Variants in XRRA1 observed in about 807,000 individuals in gnomAD.
XRRA1 encodes the protein X-ray radiation resistance-associated protein 1.
XRRA1 carries 69 observed loss-of-function variants against 80.2 expected under a neutral mutation model. The ratio of observed to expected loss-of-function variants is 0.86; its 90% CI spans 0.71 to 1.05. The LOEUF (loss-of-function observed/expected upper bound fraction) is 1.05, where lower values mean the gene tolerates loss of function less well. XRRA1 is among the 50% of genes least tolerant of loss of function. The pLI is 0.00. For synonymous variants in XRRA1, 348 were observed against 389.9 expected (o/e 0.89, Z 1.27); for missense variants, 967 against 976.4 (o/e 0.99, Z 0.13).
chr11:74,866,695 T>C (rs78624755), intron 10 of XRRA1, among the ~76,000 whole-genome samples: 3 of 125,394 alleles, frequency 2.4e-5, no homozygotes, highest in Admixed American at 7.7e-5. Context: ...AATTGAAAAA[T>C]ATAATGAATG....
intron 10 of XRRA1, among the ~76,000 whole-genome samples, chr11:74,869,686 A>C (rs1361235048): frequency 6.6e-6 from 1 of 152,136 alleles, no homozygotes; most frequent in Admixed American, 6.5e-5. Context: ...GCAAATGACA[A>C]ACCTAGTTCT....
intron 10 of XRRA1, among the ~76,000 whole-genome samples, chr11:74,866,669 AT>A (rs1476093669): frequency 6.7e-5 from 10 of 148,960 alleles, no homozygotes; most frequent in African/African-American, 2.1e-4. Context: ...AAAAAAAAAA[AT>A]CAAAGAAATC....
chr11:74,870,677 C>G (rs988628024), intron 10 of XRRA1, among the ~76,000 whole-genome samples: 1 of 152,184 alleles, frequency 6.6e-6, no homozygotes, highest in East Asian at 1.9e-4. Flanking sequence ...ACAGCACCAC[C>G]TAGTGGAATA....
chr11:74,862,044 A>T (rs576555433), intron 11 of XRRA1, among the ~76,000 whole-genome samples: 5 of 152,352 alleles, frequency 3.3e-5, no homozygotes, highest in African/African-American at 1.2e-4. Context: ...TAGAATGTGG[A>T]GAAGTGACAC....
At chr11:74,856,911 G>C (rs748032320) in intron 12 of XRRA1, among the ~76,000 whole-genome samples, 6 of 152,084 alleles carry the variant, frequency 3.9e-5, no homozygotes, top group Non-Finnish European at 8.8e-5. Flanking sequence ...CCTGTGGTTG[G>C]AGCAGGAAAC....
chr11:74,930,412 G>A, intron 5 of XRRA1, 40 bp from the exon 6 acceptor site: 3 of 1,439,596 alleles, frequency 2.1e-6, no homozygotes, highest in Non-Finnish European at 2.8e-6. Flanking sequence ...AAATCCACAA[G>A]ATTAGTTCCC....
At chr11:74,888,002 C>T (rs1362859876) in intron 10 of XRRA1, among the ~76,000 whole-genome samples, 2 of 152,196 alleles carry the variant, frequency 1.3e-5, no homozygotes, top group Non-Finnish European at 2.9e-5. Context: ...GAGGGCAGGA[C>T]ATTGCCAAAC....
Position 74,921,109 on chromosome 11 carries a change from T to A in XRRA1, c.656+105A>T, listed in dbSNP as rs1417473808. ...TCAGTAGGTGCCATTATCCCTGCTTTGAGCACTTACAGCCTATCTTTATGG... is the reference window on the plus strand; with the variant it reads ...TCAGTAGGTGCCATTATCCCTGCTTAGAGCACTTACAGCCTATCTTTATGG... On this transcript the variant is annotated intron_variant, in intron 8 of 18. Transcript: ENST00000684022. The A allele has an allele frequency of 2.1e-6, 3 of 1,449,932 alleles. No individual in the cohort carries two copies. The African/African-American group carries it at 4.2e-5, about 20-fold the overall frequency. 89.8% of individuals were successfully genotyped at this position (1,449,932 alleles called of 1,614,324 possible). A position where few individuals can be genotyped will look rare whatever the true frequency, so the allele number is the denominator to read the frequency against.
chr11:74,860,025 G>T (rs1036548739), intron 11 of XRRA1, among the ~76,000 whole-genome samples: 2 of 152,154 alleles, frequency 1.3e-5, no homozygotes, highest in Admixed American at 6.5e-5. Context: ...AAGGGTAGAT[G>T]CTGGGCTAAT....
At position 74,882,183 on chromosome 11, in the gene XRRA1, A is replaced by G. The variant is rs2047808178; in HGVS notation, c.1004-19162T>C. ...GATTTTGGTCTTTTCACATAGTCCCATATTTCTTGGAGGCTTTGCTCATTT... is the reference window on the plus strand; with the variant it reads ...GATTTTGGTCTTTTCACATAGTCCCGTATTTCTTGGAGGCTTTGCTCATTT... On this transcript the variant is annotated intron_variant, in intron 10 of 18. Transcript: ENST00000684022. Among the ~76,000 whole-genome samples the G allele has an allele frequency of 2.0e-5, 3 of 152,094 alleles. No individual in the cohort carries two copies. In the South Asian group the frequency reaches 6.2e-4, roughly 32 times the overall value.
chr11:74,841,798 G>C lies in XRRA1; in HGVS notation c.*1402C>G, dbSNP rs2036587737. ...TACCATAGTTCAAGAGTAGCTGTTG[G>C]CCCTGGTTCCAGATTAATATAGCAG... is the stretch of plus-strand genomic sequence containing the variant. On this transcript the variant is annotated 3_prime_UTR_variant, in exon 19 of 19. Coordinates refer to ENST00000684022, the MANE Select transcript of XRRA1 (RefSeq NM_001378157.1). The C allele has an allele frequency of 1.3e-5, 2 of 152,148 alleles. No individual in the cohort carries two copies. The highest frequency in any genetic ancestry group is 2.9e-5 in the Non-Finnish European group (2 of 68,030). The allele number at this position is 152,148 out of a possible 1,614,324, so 9.4% of individuals were successfully genotyped here.
intron 10 of XRRA1, among the ~76,000 whole-genome samples, chr11:74,887,283 A>G (rs963520213): frequency 2.6e-5 from 4 of 152,232 alleles, no homozygotes; most frequent in Admixed American, 2.6e-4. Context: ...GTAAACAGAT[A>G]AAGTATAGAA....
intron 10 of XRRA1, among the ~76,000 whole-genome samples, chr11:74,896,097 G>A (rs2052238561): frequency 6.6e-6 from 1 of 152,242 alleles, no homozygotes; most frequent in African/African-American, 2.4e-5. Flanking sequence ...ATTTCCAGAT[G>A]TAGTGGCTAT....
At chr11:74,875,779 G>A (rs1477619328) in intron 10 of XRRA1, among the ~76,000 whole-genome samples, 4 of 152,150 alleles carry the variant, frequency 2.6e-5, no homozygotes, top group East Asian at 1.9e-4. Context: ...GCTGAGGCAC[G>A]ATAATTGCTT....
intron 10 of XRRA1, among the ~76,000 whole-genome samples, chr11:74,893,040 G>C (rs2051213274): frequency 6.6e-6 from 1 of 152,192 alleles, no homozygotes; most frequent in African/African-American, 2.4e-5. Flanking sequence ...ATTTGACCCA[G>C]AAATCCCATT....
At chr11:74,892,377 G>A (rs550061252) in intron 10 of XRRA1, among the ~76,000 whole-genome samples, 16 of 152,132 alleles carry the variant, frequency 1.1e-4, no homozygotes, top group Non-Finnish European at 2.2e-4. Context: ...ACTGGATCCC[G>A]TCCTTACCCC....
chr11:74,910,848 T>C (rs762000231), intron 8 of XRRA1: 12 of 152,178 alleles, frequency 7.9e-5, no homozygotes, highest in African/African-American at 2.2e-4. Flanking sequence ...CACCTGGTGA[T>C]TGAATGTATG....
intron 10 of XRRA1, among the ~76,000 whole-genome samples, chr11:74,882,083 G>C (rs2136756169): frequency 6.6e-6 from 1 of 150,552 alleles, no homozygotes; most frequent in East Asian, 2.0e-4. Context: ...AGTTCTCCTG[G>C]ATAATATCCT....
chr11:74,881,316 G>T (rs973004587), intron 10 of XRRA1, among the ~76,000 whole-genome samples: 8 of 151,440 alleles, frequency 5.3e-5, no homozygotes, highest in African/African-American at 2.0e-4. Flanking sequence ...CATTTGCTTG[G>T]TAGATCTTCC....
Sources: allele counts gnomAD v4.1 joint callset (sites outside exome capture counted in the v4.1 genomes callset), GRCh38; gene constraint gnomAD v4.1.1; transcripts MANE v1.5; gene names NCBI Gene and HGNC (gene_info 2026-07-23, HGNC 2026-07-21).